RELN: variants seen among roughly 807,000 people sequenced by gnomAD.
RELN encodes reelin.
RELN carries 108 observed loss-of-function variants against 427.6 expected under a neutral mutation model. The observed-to-expected ratio is 0.25, with a 90% CI of 0.22 to 0.30. The LOEUF (loss-of-function observed/expected upper bound fraction) is 0.30. RELN is among the 10% of genes least tolerant of loss of function. The pLI is 1.00. For synonymous variants in RELN, 1,524 were observed against 1,513.4 expected, an observed-to-expected ratio of 1.01 and a Z score of -0.16; for missense variants, 3,715 against 4,302.8, an observed-to-expected ratio of 0.86 and a Z score of 3.82.
At chr7:103,848,756 G>A (rs1331650830) in intron 2 of RELN, among the ~76,000 whole-genome samples, 1 of 152,152 alleles carries the variant, frequency 6.6e-6, no homozygotes, top group Non-Finnish European at 1.5e-5. Context: ...ATCATGGATG[G>A]TACATGCCCA....
chr7:103,740,962 C>G (rs968650655), intron 6 of RELN, among the ~76,000 whole-genome samples: 1 of 152,148 alleles, frequency 6.6e-6, no homozygotes, highest in Admixed American at 6.5e-5. Context: ...GCAGCATACC[C>G]AGGCACTTTG....
At chr7:103,485,168 T>C (rs1828385859) in intron 61 of RELN, among the ~76,000 whole-genome samples, 1 of 143,072 alleles carries the variant, frequency 7.0e-6, no homozygotes, top group African/African-American at 2.6e-5. Flanking sequence ...TGCAGCTATA[T>C]ATGATGATGT....
chr7:103,770,649 T>TA (rs1157962441), intron 4 of RELN, among the ~76,000 whole-genome samples: 3 of 106,202 alleles, frequency 2.8e-5, no homozygotes, highest in Admixed American at 9.5e-5. Context: ...TTATTTTTTT[T>TA]AAAAATTTTT....
intron 9 of RELN, among the ~76,000 whole-genome samples, chr7:103,700,653 G>C (rs554835964): frequency 6.6e-5 from 10 of 152,174 alleles, no homozygotes; most frequent in African/African-American, 2.2e-4. Context: ...AGCTATGATT[G>C]CAAATTTACT....
chr7:103,607,263 C>T (rs1831842985), intron 22 of RELN, among the ~76,000 whole-genome samples: 1 of 152,076 alleles, frequency 6.6e-6, no homozygotes, highest in African/African-American at 2.4e-5. Context: ...AATAAAATCA[C>T]AATCCACAGT....
At chr7:103,494,603 T>C (rs1828776602) in intron 57 of RELN, among the ~76,000 whole-genome samples, 2 of 150,742 alleles carry the variant, frequency 1.3e-5, no homozygotes, top group Admixed American at 6.6e-5. Context: ...CAGGATGGTC[T>C]TGAACTCTTG....
chr7:103,511,035 A>C, intron 50 of RELN, 30 bp from the exon 51 acceptor site: 1 of 1,588,106 alleles, frequency 6.3e-7, no homozygotes, highest in Non-Finnish European at 8.6e-7. Flanking sequence ...ATTTTATGAC[A>C]AATTTGTGAC....
At chr7:103,969,818 A>G (rs1796727027) in intron 1 of RELN, among the ~76,000 whole-genome samples, 1 of 152,228 alleles carries the variant, frequency 6.6e-6, no homozygotes, top group African/African-American at 2.4e-5. Flanking sequence ...CTCATTTATT[A>G]TCGTGTCACT....
intron 3 of RELN, among the ~76,000 whole-genome samples, chr7:103,828,443 A>G (rs1793196248): frequency 1.3e-5 from 2 of 151,958 alleles, no homozygotes; most frequent in African/African-American, 2.4e-5. Flanking sequence ...GTCCATGCTC[A>G]GTATCTTAAA....
intron 5 of RELN, among the ~76,000 whole-genome samples, chr7:103,749,892 G>C (rs549750705): frequency 6.6e-6 from 1 of 152,130 alleles, no homozygotes; most frequent in Non-Finnish European, 1.5e-5. Flanking sequence ...CCCATATATC[G>C]TGGAAGGGAC....
In RELN at chr7:103,483,541, T is replaced by G; in HGVS notation, c.10181+112A>C. ...GTCTTCGTTCTGCCACCACCTAGTT[T>G]TGTGGCATTGGTGCATTAACTTTAC... On this transcript the variant is annotated intron_variant, in intron 62 of 64. Coordinates refer to ENST00000428762, the MANE Select transcript of RELN (RefSeq NM_005045.4). The G allele has an allele frequency of 5.6e-6, 6 of 1,070,184 alleles. No individual in the cohort carries two copies. The Middle Eastern group carries it at 1.7e-3, about 304-fold the overall frequency. 66.3% of individuals were successfully genotyped at this position (1,070,184 alleles called of 1,614,324 possible).
At chr7:103,770,630 C>A (rs1053022041) in intron 4 of RELN, among the ~76,000 whole-genome samples, 1 of 146,838 alleles carries the variant, frequency 6.8e-6, no homozygotes, top group Non-Finnish European at 1.5e-5. Context: ...TGGGTGCCTA[C>A]CTCTTTCCTT....
intron 11 of RELN, among the ~76,000 whole-genome samples, chr7:103,676,367 A>T (rs530929157): frequency 6.6e-6 from 1 of 152,098 alleles, no homozygotes; most frequent in Admixed American, 6.6e-5. Flanking sequence ...TTAGAATGGC[A>T]ATCATTAAAA....
At chr7:103,552,686 G>T (rs1830440161) in intron 40 of RELN, among the ~76,000 whole-genome samples, 1 of 151,452 alleles carries the variant, frequency 6.6e-6, no homozygotes, top group African/African-American at 2.4e-5. Context: ...TATTTTTAGT[G>T]AGACGGGGTT....
intron 1 of RELN, among the ~76,000 whole-genome samples, chr7:103,970,806 TC>T (rs1268908023): frequency 1.3e-5 from 2 of 152,228 alleles, no homozygotes; most frequent in East Asian, 3.8e-4. Context: ...AATTCAGTGT[TC>T]ACAGTCTTCA....
chr7:103,756,082 T>C (rs971274244), intron 4 of RELN, among the ~76,000 whole-genome samples: 6 of 152,192 alleles, frequency 3.9e-5, no homozygotes, highest in African/African-American at 1.2e-4. Context: ...TGCAGAAATA[T>C]TGTTGCCTAC....
intron 36 of RELN, among the ~76,000 whole-genome samples, chr7:103,558,875 GA>G (rs1283638588): frequency 6.6e-6 from 1 of 152,106 alleles, no homozygotes; most frequent in Non-Finnish European, 1.5e-5. Flanking sequence ...ATAATAAGTG[GA>G]CATTGTCACT....
At chr7:103,664,391 C>T (rs1833212145) in intron 11 of RELN, among the ~76,000 whole-genome samples, 1 of 152,150 alleles carries the variant, frequency 6.6e-6, no homozygotes, top group Non-Finnish European at 1.5e-5. Flanking sequence ...TAGTGAATTG[C>T]TTTTTCTCCT....
intron 2 of RELN, among the ~76,000 whole-genome samples, chr7:103,840,596 GC>G (rs2116431292): frequency 6.6e-6 from 1 of 152,308 alleles, no homozygotes; most frequent in South Asian, 2.1e-4. Context: ...GAGCAAGGGT[GC>G]GTATATAAAC....
Sources: allele counts gnomAD v4.1 joint callset (sites outside exome capture counted in the v4.1 genomes callset), GRCh38; gene constraint gnomAD v4.1.1; transcripts MANE v1.5; gene names NCBI Gene and HGNC (gene_info 2026-07-23, HGNC 2026-07-21).